UBE2R2: variants seen among roughly 807,000 people sequenced by gnomAD.
The protein encoded by UBE2R2 is ubiquitin conjugating enzyme E2 R2, also known as ubiquitin-conjugating enzyme E2 R2.
In UBE2R2, 1 loss-of-function variant was observed where a neutral mutation model predicts 27.8. The ratio of observed to expected loss-of-function variants is 0.04; its 90% CI spans 0.01 to 0.17. UBE2R2 has a LOEUF of 0.17. Ranked by LOEUF, UBE2R2 falls within the 10% of genes least tolerant of loss-of-function variation. The probability of loss-of-function intolerance (pLI) is 1.00; values close to 1 mark genes in which losing one functional copy is unlikely to be tolerated. For missense variants in UBE2R2, 100 were observed against 291.0 expected (o/e 0.34, Z 4.78); for synonymous variants, 106 against 113.3 (o/e 0.94, Z 0.41).
intron 2 of UBE2R2, among the ~76,000 whole-genome samples, chr9:33,893,449 T>G (rs1354135461): frequency 6.6e-6 from 1 of 152,194 alleles, no homozygotes; most frequent in East Asian, 1.9e-4. Context: ...TACCACAATT[T>G]GTTTCTACAT....
intron 3 of UBE2R2, among the ~76,000 whole-genome samples, chr9:33,909,670 C>T (rs1162721421): frequency 7.2e-5 from 11 of 152,072 alleles, no homozygotes; most frequent in Admixed American, 6.5e-5. Flanking sequence ...CTGCCCACCT[C>T]GGCCTCCCAA....
chr9:33,829,426 A>C (rs937747031), intron 1 of UBE2R2, among the ~76,000 whole-genome samples: 1 of 152,102 alleles, frequency 6.6e-6, no homozygotes, highest in Non-Finnish European at 1.5e-5. Flanking sequence ...GAGATTACCT[A>C]ATGGGTACAA....
rs565810253 is a variant in UBE2R2 at position 33,915,993 on chromosome 9, C to T, written c.498-1025C>T. ...GACAGAAAAATCAACAAGGTGTGTC[C>T]GAGATGCCAAAAAAAGACCAGGGTG... On this transcript the variant is annotated intron_variant, in intron 4 of 4. Transcript: ENST00000263228. Among the ~76,000 whole-genome samples the T allele has an allele frequency of 4.9e-4, 75 of 152,068 alleles. 1 individual carries two copies. Among genetic ancestry groups the T allele is most frequent in the Admixed American group, 3.1e-3 (47 of 15,262 alleles).
intron 1 of UBE2R2, among the ~76,000 whole-genome samples, chr9:33,860,718 T>C (rs755057540): frequency 1.3e-5 from 2 of 151,932 alleles, no homozygotes; most frequent in African/African-American, 4.8e-5. Context: ...CTGGGCAACA[T>C]AGTGAGATCC....
chr9:33,897,775 C>CTTTTTTTTTTTTT (rs35277355), intron 2 of UBE2R2, among the ~76,000 whole-genome samples: 3 of 127,978 alleles, frequency 2.3e-5, no homozygotes, highest in Non-Finnish European at 3.2e-5. Flanking sequence ...TTTCTTTTTT[C>CTTTTTTTTTTTTT]TTTTTTTTTT....
At chr9:33,827,462 G>A (rs1293080470) in intron 1 of UBE2R2, among the ~76,000 whole-genome samples, 3 of 152,114 alleles carry the variant, frequency 2.0e-5, no homozygotes, top group Admixed American at 6.6e-5. Context: ...TCAACATGGC[G>A]AAACGCTGTC....
At chr9:33,819,360 C>G (rs374002556) in intron 1 of UBE2R2, among the ~76,000 whole-genome samples, 3 of 152,102 alleles carry the variant, frequency 2.0e-5, no homozygotes, top group East Asian at 3.9e-4. Context: ...TTAATATTCA[C>G]TACTGTATAT....
At chr9:33,887,646 TTTTGTTTGTTTGTTTGTTTG>T (rs201263026) in intron 2 of UBE2R2, among the ~76,000 whole-genome samples, 28 of 150,240 alleles carry the variant, frequency 1.9e-4, no homozygotes, top group African/African-American at 4.4e-4. Flanking sequence ...AAGTGTGCTT[TTTTGTTTGTTTGTTTGTTTG>T]TTTGTTTGTT....
At chr9:33,903,464 C>T (rs1461655352) in intron 3 of UBE2R2, among the ~76,000 whole-genome samples, 1 of 152,144 alleles carries the variant, frequency 6.6e-6, no homozygotes, top group African/African-American at 2.4e-5. Context: ...ATACAAAGCC[C>T]CAAACAAGAT....
intron 1 of UBE2R2, among the ~76,000 whole-genome samples, chr9:33,833,214 GCCACC>G (rs1282330858): frequency 1.9e-4 from 29 of 152,274 alleles, no homozygotes; most frequent in Middle Eastern, 3.4e-3. Context: ...ACAAACACAT[GCCACC>G]GTGCCTGGCT....
intron 1 of UBE2R2, among the ~76,000 whole-genome samples, chr9:33,822,426 CTTTT>C (rs11309053): frequency 2.2e-5 from 3 of 133,742 alleles, no homozygotes. Flanking sequence ...TCTTCAAAAC[CTTTT>C]TTTTTTTTTT....
intron 1 of UBE2R2, among the ~76,000 whole-genome samples, chr9:33,823,825 C>T (rs373645688): frequency 6.6e-6 from 1 of 152,114 alleles, no homozygotes; most frequent in African/African-American, 2.4e-5. Flanking sequence ...GCTAAGAATC[C>T]TCTTGTAAGG....
chr9:33,829,941 G>A (rs2130723638), intron 1 of UBE2R2, among the ~76,000 whole-genome samples: 1 of 151,894 alleles, frequency 6.6e-6, no homozygotes, highest in South Asian at 2.1e-4. Flanking sequence ...AGGACTATAG[G>A]CATGTGCCAC....
intron 1 of UBE2R2, among the ~76,000 whole-genome samples, chr9:33,848,877 T>G (rs552020435): frequency 7.1e-4 from 108 of 152,132 alleles, no homozygotes; most frequent in Non-Finnish European, 1.2e-3. Flanking sequence ...GTGCTGGGAT[T>G]ACATGCATGA....
intron 3 of UBE2R2, among the ~76,000 whole-genome samples, chr9:33,904,976 T>G (rs779533600): frequency 2.6e-5 from 4 of 152,062 alleles, no homozygotes; most frequent in Non-Finnish European, 5.9e-5. Context: ...AATACATGAT[T>G]TGTCTAGAAT....
intron 3 of UBE2R2, among the ~76,000 whole-genome samples, chr9:33,903,010 A>C (rs1248061724): frequency 6.6e-6 from 1 of 152,068 alleles, no homozygotes; most frequent in Non-Finnish European, 1.5e-5. Flanking sequence ...GAGGCAGGAG[A>C]ATTGCTTGAA....
intron 1 of UBE2R2, among the ~76,000 whole-genome samples, chr9:33,827,729 G>C (rs1820347028): frequency 6.6e-6 from 1 of 152,036 alleles, no homozygotes; most frequent in African/African-American, 2.4e-5. Flanking sequence ...CCAGCACTTT[G>C]GGAGGCTGAG....
chr9:33,817,925 C>T lies in UBE2R2; in HGVS notation c.168C>T (p.Gly56=), dbSNP rs1191070647. The part of the protein sequence containing the change: ...FGPPNTLYEG[G]YFKAHIKFPI... ...CCCCCAACACCCTCTACGAAGGCGG[C>T]TACTTCAAGGTACCCTCACCCTCCT... The change falls in exon 1 of 5, where the codon GGC becomes GGT. Residue 56 remains glycine (G), a synonymous_variant. Transcript: ENST00000263228. The T allele has an allele frequency of 6.2e-7, 1 of 1,608,234 alleles. No individual in the cohort carries two copies. The highest frequency in any genetic ancestry group is 8.5e-7 in the Non-Finnish European group (1 of 1,176,920).
At chr9:33,912,416 G>A (rs1368098489) in intron 4 of UBE2R2, among the ~76,000 whole-genome samples, 1 of 152,108 alleles carries the variant, frequency 6.6e-6, no homozygotes, top group Admixed American at 6.6e-5. Context: ...CCTGAGGTCA[G>A]GAGTTCGAGA....
Sources: gnomAD v4.1 joint callset for allele counts (sites outside exome capture counted in the v4.1 genomes callset) on GRCh38, gnomAD v4.1.1 for gene constraint, MANE v1.5 for transcripts, NCBI Gene and HGNC (gene_info 2026-07-23, HGNC 2026-07-21) for gene names.